GRIP1: variants seen among roughly 807,000 people sequenced by gnomAD.
The protein encoded by GRIP1 is glutamate receptor interacting protein 1.
GRIP1 carries 45 observed loss-of-function variants against 129.9 expected under a neutral mutation model. That is an observed-to-expected ratio of 0.35 (90% CI 0.27 to 0.44). GRIP1 has a LOEUF of 0.44. Among genes scored for constraint, GRIP1 ranks in the 20% least tolerant of loss-of-function variants. The pLI, the probability that GRIP1 is intolerant of heterozygous loss-of-function variation, is 1.00. For missense variants in GRIP1, 1,196 were observed against 1,396.8 expected, an observed-to-expected ratio of 0.86 and a Z score of 2.29; for synonymous variants, 530 against 520.8, an observed-to-expected ratio of 1.02 and a Z score of -0.24.
chr12:66,882,945 GC>G (rs2040505146), intron 1 of GRIP1, among the ~76,000 whole-genome samples: 2 of 152,154 alleles, frequency 1.3e-5, no homozygotes, highest in South Asian at 4.1e-4. Context: ...GTGGATTCTG[GC>G]TCCAGAATTG....
At chr12:66,815,954 G>A (rs2039211570) in intron 1 of GRIP1, among the ~76,000 whole-genome samples, 1 of 151,642 alleles carries the variant, frequency 6.6e-6, no homozygotes, top group Non-Finnish European at 1.5e-5. Flanking sequence ...GTCATCCAGG[G>A]ATCTGGGTTC....
Position 66,409,327 on chromosome 12 carries a change from C to G in GRIP1, c.1839-2899G>C, listed in dbSNP as rs1340443559. ...CCCCTCAGCTTCAGGCAGCTCAGCACTGAGAGAGAGACTATATCTGTTTGG... is the reference window on the plus strand; with the variant it reads ...CCCCTCAGCTTCAGGCAGCTCAGCAGTGAGAGAGAGACTATATCTGTTTGG... On this transcript the variant is annotated intron_variant, in intron 15 of 24. Coordinates refer to ENST00000359742, the MANE Select transcript of GRIP1 (RefSeq NM_001366722.1). Among the ~76,000 whole-genome samples the G allele has an allele frequency of 2.0e-5, 3 of 152,322 alleles. No homozygotes were observed. The South Asian group carries it at 6.2e-4, about 32-fold the overall frequency.
Position 66,636,233 on chromosome 12 carries a change from G to C in GRIP1, c.56-39306C>G, listed in dbSNP as rs528584829. 1.5e-4 allele frequency among the ~76,000 whole-genome samples: 23 copies of C among 152,262 alleles called. No homozygotes were observed. The East Asian group carries it at 4.2e-3, about 28-fold the overall frequency. ...AATTCCTAGAGACTGAAAGAGAATG[G>C]TGGTTACCAGGGGCTGACAGGAGAG... On this transcript the variant is annotated intron_variant, in intron 1 of 24. Coordinates refer to ENST00000359742, the MANE Select transcript of GRIP1 (RefSeq NM_001366722.1).
At chr12:66,613,722 G>A (rs1424300556) in intron 1 of GRIP1, among the ~76,000 whole-genome samples, 1 of 152,162 alleles carries the variant, frequency 6.6e-6, no homozygotes, top group African/African-American at 2.4e-5. Flanking sequence ...AGAGAGTTCT[G>A]TTTGGAGAGC....
chr12:66,933,770 ACTTG>A (rs1029169624), intron 1 of GRIP1, among the ~76,000 whole-genome samples: 1 of 152,198 alleles, frequency 6.6e-6, no homozygotes, highest in African/African-American at 2.4e-5. Context: ...TCCCTTCTAA[ACTTG>A]CAAATATTTG....
chr12:66,863,201 G>T (rs1228338865), intron 1 of GRIP1, among the ~76,000 whole-genome samples: 9 of 152,020 alleles, frequency 5.9e-5, no homozygotes, highest in Non-Finnish European at 1.3e-4. Flanking sequence ...AGCCCCATTG[G>T]AATTCATTGT....
At chr12:66,682,520 T>C (rs1482575679), upstream of GRIP1, among the ~76,000 whole-genome samples, 2 of 152,074 alleles carry the variant, frequency 1.3e-5, no homozygotes, top group African/African-American at 4.8e-5. Flanking sequence ...GGCTCAAAGA[T>C]TCCAATATAG....
At chr12:66,870,300 A>C (rs560316761) in intron 1 of GRIP1, among the ~76,000 whole-genome samples, 39 of 152,244 alleles carry the variant, frequency 2.6e-4, no homozygotes, top group African/African-American at 8.7e-4. Flanking sequence ...AAAATGATAA[A>C]GTTATTACTA....
At chr12:66,832,562 G>T (rs193266174) in intron 1 of GRIP1, among the ~76,000 whole-genome samples, 44 of 152,282 alleles carry the variant, frequency 2.9e-4, no homozygotes, top group African/African-American at 9.4e-4. Context: ...ACTTAGTAAG[G>T]AAGTGATTTA....
intron 1 of GRIP1, among the ~76,000 whole-genome samples, chr12:66,972,540 T>C (rs147590516): frequency 6.6e-6 from 1 of 152,226 alleles, no homozygotes; most frequent in Non-Finnish European, 1.5e-5. Flanking sequence ...TTTTATTTTA[T>C]TTAATTTTCA....
At chr12:66,743,982 T>C (rs2036868668) in intron 1 of GRIP1, among the ~76,000 whole-genome samples, 1 of 152,192 alleles carries the variant, frequency 6.6e-6, no homozygotes, top group Non-Finnish European at 1.5e-5. Flanking sequence ...ATGATAATAG[T>C]AATTTCTTTT....
chr12:66,433,702 A>G (rs528138127), intron 13 of GRIP1, among the ~76,000 whole-genome samples: 1 of 152,376 alleles, frequency 6.6e-6, no homozygotes, highest in African/African-American at 2.4e-5. Context: ...TTGAAGAGAT[A>G]GCATCTATTC....
chr12:66,390,678 A>G (rs2056550057), intron 19 of GRIP1, among the ~76,000 whole-genome samples: 1 of 152,228 alleles, frequency 6.6e-6, no homozygotes, highest in Non-Finnish European at 1.5e-5. Context: ...ATCTCTGGTA[A>G]CAAAAATATC....
At chr12:66,815,837 T>TTTCC (rs1382700699) in intron 1 of GRIP1, among the ~76,000 whole-genome samples, 261 of 30,964 alleles carry the variant, frequency 8.4e-3, no homozygotes, top group Middle Eastern at 0.024. Context: ...TCTTTCTTTC[T>TTTCC]TTCTTTCTTT....
upstream of GRIP1, among the ~76,000 whole-genome samples, chr12:66,682,628 G>A (rs1188790661): frequency 1.3e-5 from 2 of 152,030 alleles, no homozygotes; most frequent in African/African-American, 4.8e-5. Context: ...CTCCGCCATT[G>A]TATTCATTCT....
intron 7 of GRIP1, among the ~76,000 whole-genome samples, chr12:66,476,090 T>C (rs2059600747): frequency 6.6e-6 from 1 of 152,034 alleles, no homozygotes; most frequent in Non-Finnish European, 1.5e-5. Context: ...TCTGGTTTTT[T>C]GAAAAGATCA....
rs569353729 is a variant in GRIP1 at position 66,731,695 on chromosome 12, T to A, written c.-420+72358A>T. ...AAAGAAATTTTAAAACTATGGGAGA[T>A]GTGCAACAATGTGAAGGTGCTTAAT... On this transcript the variant is annotated intron_variant, in intron 1 of 4. Coordinates refer to the GRIP1 transcript ENST00000538373. Among the ~76,000 whole-genome samples the A allele has an allele frequency of 2.0e-5, 3 of 152,298 alleles. No individual in the cohort carries two copies. In the South Asian group the frequency reaches 6.2e-4, roughly 32 times the overall value.
At chr12:66,610,422 G>A (rs1281502282) in intron 1 of GRIP1, among the ~76,000 whole-genome samples, 1 of 152,014 alleles carries the variant, frequency 6.6e-6, no homozygotes, top group African/African-American at 2.4e-5. Context: ...CTATCCTGCA[G>A]GGCAAAATAC....
At chr12:66,484,408 A>G (rs574790015) in intron 7 of GRIP1, among the ~76,000 whole-genome samples, 13 of 152,172 alleles carry the variant, frequency 8.5e-5, no homozygotes, top group Non-Finnish European at 5.9e-5. Flanking sequence ...GCTCTGCACA[A>G]TGGCCAAGAT....
Sources: allele counts gnomAD v4.1 joint callset (sites outside exome capture counted in the v4.1 genomes callset), GRCh38; gene constraint gnomAD v4.1.1; transcripts MANE v1.5; gene names NCBI Gene and HGNC (gene_info 2026-07-23, HGNC 2026-07-21).